Variants in ZFAND3 observed in about 807,000 individuals in gnomAD.
ZFAND3 encodes zinc finger AN1-type containing 3.
ZFAND3 carries 10 observed loss-of-function variants against 29.6 expected under a neutral mutation model. The observed-to-expected ratio is 0.34, with a 90% CI of 0.21 to 0.57. The LOEUF (loss-of-function observed/expected upper bound fraction) is 0.57, where lower values mean the gene tolerates loss of function less well. Ranked by LOEUF, ZFAND3 falls within the 20% of genes least tolerant of loss-of-function variation. The pLI, the probability that ZFAND3 is intolerant of heterozygous loss-of-function variation, is 0.86. For synonymous variants in ZFAND3, 128 were observed against 112.6 expected (o/e 1.14, Z -0.87); for missense variants, 230 against 304.5 (o/e 0.76, Z 1.82).
At chr6:38,011,653 T>G (rs1400798500) in intron 2 of ZFAND3, among the ~76,000 whole-genome samples, 1 of 152,256 alleles carries the variant, frequency 6.6e-6, no homozygotes. Flanking sequence ...TTCAGATTGT[T>G]ATCATCTTGG....
intron 1 of ZFAND3, among the ~76,000 whole-genome samples, chr6:37,867,567 C>T (rs1328113960): frequency 6.6e-6 from 1 of 152,128 alleles, no homozygotes; most frequent in Non-Finnish European, 1.5e-5. Flanking sequence ...TGTATGGGTC[C>T]TTAATGTGGG....
intron 1 of ZFAND3, among the ~76,000 whole-genome samples, chr6:37,870,319 A>AAAAAG (rs1561917162): frequency 2.2e-4 from 32 of 145,432 alleles, no homozygotes; most frequent in Non-Finnish European, 4.6e-4. Flanking sequence ...AAAAAAAAAA[A>AAAAAG]GGGCGGGCAC....
chr6:38,112,601 T>A (rs1360074445), intron 4 of ZFAND3, among the ~76,000 whole-genome samples: 1 of 152,250 alleles, frequency 6.6e-6, no homozygotes. Flanking sequence ...TAAAAGTAAA[T>A]CATTACAGGT....
intron 1 of ZFAND3, among the ~76,000 whole-genome samples, chr6:37,860,669 G>A (rs1764472480): frequency 7.7e-6 from 1 of 129,240 alleles, no homozygotes; most frequent in Non-Finnish European, 1.6e-5. Flanking sequence ...AGTAGGTTTA[G>A]ATTTTAGTTA....
At chr6:37,976,943 A>G (rs1026022265) in intron 2 of ZFAND3, among the ~76,000 whole-genome samples, 4 of 152,172 alleles carry the variant, frequency 2.6e-5, no homozygotes, top group Admixed American at 6.5e-5. Flanking sequence ...ATATCACCAG[A>G]CAATCATGAT....
intron 1 of ZFAND3, among the ~76,000 whole-genome samples, chr6:37,868,638 T>G (rs1229757679): frequency 6.6e-6 from 1 of 152,210 alleles, no homozygotes; most frequent in African/African-American, 2.4e-5. Context: ...GATGAGATTT[T>G]TGTGAAAGAT....
chr6:38,006,461 T>C (rs970180940), intron 2 of ZFAND3, among the ~76,000 whole-genome samples: 1 of 152,306 alleles, frequency 6.6e-6, no homozygotes, highest in Non-Finnish European at 1.5e-5. Context: ...TCTGGAACTC[T>C]GCTGTTTCGA....
chr6:37,827,342 A>C (rs1377772146), intron 1 of ZFAND3, among the ~76,000 whole-genome samples: 1 of 152,180 alleles, frequency 6.6e-6, no homozygotes, highest in Non-Finnish European at 1.5e-5. Context: ...TTGTACAGGG[A>C]GGTATTGGTC....
intron 2 of ZFAND3, among the ~76,000 whole-genome samples, chr6:38,015,145 AT>A (rs1763232100): frequency 6.6e-6 from 1 of 152,134 alleles, no homozygotes; most frequent in South Asian, 2.1e-4. Flanking sequence ...GAAATCTTTT[AT>A]ATTATAACTC....
At chr6:37,883,276 A>G (rs901238835) in intron 1 of ZFAND3, among the ~76,000 whole-genome samples, 3 of 152,212 alleles carry the variant, frequency 2.0e-5, no homozygotes, top group African/African-American at 7.2e-5. Flanking sequence ...AATAAAGTCA[A>G]TAAAGTGAGT....
intron 1 of ZFAND3, among the ~76,000 whole-genome samples, chr6:37,864,381 ATTTC>A (rs1211645956): frequency 6.6e-6 from 1 of 152,196 alleles, no homozygotes; most frequent in Admixed American, 6.5e-5. Context: ...CATCTCCATA[ATTTC>A]TTTCTACATG....
At chr6:37,874,221 A>G (rs1017546543) in intron 1 of ZFAND3, among the ~76,000 whole-genome samples, 2 of 152,030 alleles carry the variant, frequency 1.3e-5, no homozygotes, top group African/African-American at 4.8e-5. Context: ...TCTGTGTACT[A>G]ATTTCCCTTT....
chr6:38,015,959 G>A (rs1382124031), intron 2 of ZFAND3, among the ~76,000 whole-genome samples: 4 of 152,122 alleles, frequency 2.6e-5, no homozygotes, highest in Non-Finnish European at 5.9e-5. Flanking sequence ...GTTATTCTCT[G>A]TAACTTTCTG....
intron 2 of ZFAND3, among the ~76,000 whole-genome samples, chr6:37,967,831 G>A (rs1762318999): frequency 6.6e-6 from 1 of 151,994 alleles, no homozygotes. Context: ...TCCTTTTTAA[G>A]TGTTGACTCC....
intron 1 of ZFAND3, among the ~76,000 whole-genome samples, chr6:37,853,342 A>T (rs1202177402): frequency 6.9e-6 from 1 of 145,304 alleles, no homozygotes. Context: ...ACAAACTTAG[A>T]GGGGTGTTGA....
chr6:38,130,467 T>G (rs978755712), intron 5 of ZFAND3, among the ~76,000 whole-genome samples: 1 of 152,230 alleles, frequency 6.6e-6, no homozygotes, highest in Non-Finnish European at 1.5e-5. Context: ...ATGGCTTTTA[T>G]TATATTGAGG....
chr6:38,023,566 C>G (rs929563238), intron 2 of ZFAND3, among the ~76,000 whole-genome samples: 1 of 152,036 alleles, frequency 6.6e-6, no homozygotes, highest in Non-Finnish European at 1.5e-5. Flanking sequence ...GTTTTAGAAT[C>G]TAGAATGTCC....
chr6:38,086,093 G>C (rs1764752031), intron 4 of ZFAND3, among the ~76,000 whole-genome samples: 1 of 152,122 alleles, frequency 6.6e-6, no homozygotes, highest in Non-Finnish European at 1.5e-5. Context: ...TTAAGAAATT[G>C]TTTTGTGATC....
At chr6:37,904,825 T>G (rs1412185729) in intron 1 of ZFAND3, among the ~76,000 whole-genome samples, 1 of 152,186 alleles carries the variant, frequency 6.6e-6, no homozygotes, top group Non-Finnish European at 1.5e-5. Flanking sequence ...GCACATAATG[T>G]GGATGTCAGT....
Sources: allele counts gnomAD v4.1 joint callset (sites outside exome capture counted in the v4.1 genomes callset), GRCh38; gene constraint gnomAD v4.1.1; transcripts MANE v1.5; gene names NCBI Gene and HGNC (gene_info 2026-07-23, HGNC 2026-07-21).